RALYL: variants seen among roughly 807,000 people sequenced by gnomAD.
RALYL encodes RNA-binding Raly-like protein.
Under a neutral mutation model 35.1 loss-of-function variants are expected in RALYL, and 29 were observed. The observed-to-expected ratio is 0.83, with a 90% CI of 0.61 to 1.13. RALYL has a LOEUF of 1.13. Ranked by LOEUF, RALYL falls within the 50% of genes most tolerant of loss-of-function variation. RALYL has a pLI of 0.00. For synonymous variants in RALYL, 120 were observed against 127.6 expected (o/e 0.94, Z 0.40); for missense variants, 359 against 360.4 (o/e 1.00, Z 0.03).
intron 1 of RALYL, among the ~76,000 whole-genome samples, chr8:84,424,816 G>A (rs2046150063): frequency 2.6e-5 from 4 of 152,212 alleles, no homozygotes; most frequent in East Asian, 3.9e-4. Flanking sequence ...GCTGTGTGAG[G>A]TGTCAGTGTG....
chr8:84,706,029 C>T, intron 2 of RALYL: 2 of 1,534,876 alleles, frequency 1.3e-6, no homozygotes, highest in Non-Finnish European at 1.7e-6. Context: ...TCAAAATGAC[C>T]ATGTACAAGA....
intron 1 of RALYL, among the ~76,000 whole-genome samples, chr8:84,455,479 A>G (rs2050025204): frequency 6.6e-6 from 1 of 152,048 alleles, no homozygotes; most frequent in African/African-American, 2.4e-5. Context: ...GTTTTTGCTG[A>G]AAGAATTATC....
chr8:84,654,089 A>T (rs1829415432), intron 2 of RALYL, among the ~76,000 whole-genome samples: 2 of 149,878 alleles, frequency 1.3e-5, no homozygotes, highest in Non-Finnish European at 3.0e-5. Flanking sequence ...ACACACACAA[A>T]TATATATATA....
intron 1 of RALYL, among the ~76,000 whole-genome samples, chr8:84,471,696 C>G (rs2052776836): frequency 6.6e-6 from 1 of 152,150 alleles, no homozygotes; most frequent in Non-Finnish European, 1.5e-5. Context: ...TAGATAGATG[C>G]AGCATAGGCC....
At chr8:84,290,532 TTGAGCCAGGA>T (rs1838575525) in intron 1 of RALYL, among the ~76,000 whole-genome samples, 1 of 152,080 alleles carries the variant, frequency 6.6e-6, no homozygotes, top group African/African-American at 2.4e-5. Context: ...GGGGTGCTTT[TTGAGCCAGGA>T]TGAGCCAGGA....
chr8:84,402,960 A>C (rs9792241), intron 1 of RALYL, among the ~76,000 whole-genome samples: 2 of 151,868 alleles, frequency 1.3e-5, no homozygotes, highest in Non-Finnish European at 2.9e-5. Flanking sequence ...AAATGTCTTC[A>C]TTTGAGAAGT....
intron 2 of RALYL, among the ~76,000 whole-genome samples, chr8:84,627,505 A>G (rs187247811): frequency 6.7e-6 from 1 of 149,436 alleles, no homozygotes; most frequent in Admixed American, 6.7e-5. Flanking sequence ...TTTATCTCCT[A>G]GGGTCTCTTT....
At chr8:84,212,083 C>T (rs1311042071) in intron 1 of RALYL, among the ~76,000 whole-genome samples, 2 of 152,086 alleles carry the variant, frequency 1.3e-5, no homozygotes, top group African/African-American at 2.4e-5. Flanking sequence ...GTGAATTCTG[C>T]CTCTTAGCTC....
At chr8:84,764,144 C>T (rs1185649004) in intron 2 of RALYL, among the ~76,000 whole-genome samples, 2 of 152,122 alleles carry the variant, frequency 1.3e-5, no homozygotes, top group Non-Finnish European at 2.9e-5. Flanking sequence ...AAGAACGAAC[C>T]CTGAGGGTGG....
intron 2 of RALYL, among the ~76,000 whole-genome samples, chr8:84,764,819 G>T (rs79866674): frequency 0.032 from 4,858 of 152,214 alleles, 258 homozygotes; most frequent in African/African-American, 0.11. Context: ...ATACTATTAA[G>T]GACATACTTC....
intron 1 of RALYL, among the ~76,000 whole-genome samples, chr8:84,482,996 G>A (rs532846436): frequency 1.4e-4 from 21 of 151,866 alleles, no homozygotes; most frequent in Non-Finnish European, 2.8e-4. Context: ...TTCTGCATTG[G>A]GTTCAAATTA....
intron 1 of RALYL, among the ~76,000 whole-genome samples, chr8:84,277,983 C>A (rs1268208745): frequency 6.6e-6 from 1 of 152,168 alleles, no homozygotes; most frequent in African/African-American, 2.4e-5. Context: ...GGATGGTGGC[C>A]ATCTTCTCAC....
rs58162078 is a variant in RALYL, at chr8:84,848,827, C to T, written c.366-1153C>T. 8.0e-3 allele frequency among the ~76,000 whole-genome samples: 1,222 copies of T among 152,076 alleles called. 18 individuals are homozygous for T. Among genetic ancestry groups the T allele is most frequent in the African/African-American group, 0.028 (1,166 of 41,494 alleles). On this transcript the variant is annotated intron_variant, in intron 4 of 8. Coordinates refer to ENST00000521268, the MANE Select transcript of RALYL (RefSeq NM_173848.7). ...ATGTTTTGCCACAATAAAAAGAAAA[C>T]GAGTAAGTAAACTTTTTTTTTTAAA...
chr8:84,707,960 A>T (rs77691023), intron 2 of RALYL, among the ~76,000 whole-genome samples: 1,568 of 152,210 alleles, frequency 0.01, 34 homozygotes, highest in African/African-American at 0.035. Context: ...AAAGGCATAA[A>T]CTTACCTAGA....
intron 1 of RALYL, among the ~76,000 whole-genome samples, chr8:84,187,273 AAATT>A (rs1418860076): frequency 4.6e-5 from 7 of 152,122 alleles, no homozygotes; most frequent in Admixed American, 3.9e-4. Flanking sequence ...TTGGATTACT[AAATT>A]AATTTTTCAA....
rs1824765672 is a variant in RALYL at position 84,635,119 on chromosome 8, T to C, written c.256+105542T>C. On this transcript the variant is annotated intron_variant, in intron 2 of 8. Transcript: ENST00000521268. ...GGTGATGAGGATAACTGATTGAACA[T>C]TTACAGTGCGTTAAGTAGCAGGCTA... Among the ~76,000 whole-genome samples, 2 of 151,816 alleles carry C rather than the reference T, an allele frequency of 1.3e-5. 1 individual carries two copies. The highest frequency in any genetic ancestry group is 4.1e-4 in the South Asian group (2 of 4,832).
chr8:84,336,071 C>T (rs76251694), intron 1 of RALYL, among the ~76,000 whole-genome samples: 4,472 of 152,202 alleles, frequency 0.029, 111 homozygotes, highest in Non-Finnish European at 0.035. Context: ...AATCATCCTG[C>T]AAGCTTTTCT....
intron 1 of RALYL, among the ~76,000 whole-genome samples, chr8:84,224,317 T>C (rs546667998): frequency 6.6e-6 from 1 of 152,216 alleles, no homozygotes; most frequent in South Asian, 2.1e-4. Context: ...CTCAAAAAGG[T>C]GGATGGTGTC....
chr8:84,283,988 A>T (rs1052301098), intron 1 of RALYL, among the ~76,000 whole-genome samples: 1 of 152,182 alleles, frequency 6.6e-6, no homozygotes, highest in Admixed American at 6.5e-5. Flanking sequence ...ATTGTAGAAC[A>T]GTAAATTAAG....
Sources: gnomAD v4.1 joint callset for allele counts (sites outside exome capture counted in the v4.1 genomes callset) on GRCh38, gnomAD v4.1.1 for gene constraint, MANE v1.5 for transcripts, NCBI Gene and HGNC (gene_info 2026-07-23, HGNC 2026-07-21) for gene names.